CDC42BPA: variants seen among roughly 807,000 people sequenced by gnomAD.
The protein encoded by CDC42BPA is CDC42 binding protein kinase alpha.
CDC42BPA carries 80 observed loss-of-function variants against 223.5 expected under a neutral mutation model. That is an observed-to-expected ratio of 0.36 (90% CI 0.30 to 0.43). CDC42BPA has a LOEUF of 0.43. Ranked by LOEUF, CDC42BPA falls within the 20% of genes least tolerant of loss-of-function variation. The pLI, the probability that CDC42BPA is intolerant of heterozygous loss-of-function variation, is 1.00. For synonymous variants in CDC42BPA, 694 were observed against 718.6 expected (o/e 0.97, Z 0.55); for missense variants, 1,743 against 2,099.9 (o/e 0.83, Z 3.32).
intron 10 of CDC42BPA, among the ~76,000 whole-genome samples, chr1:227,135,407 A>G (rs543759051): frequency 6.6e-6 from 1 of 152,266 alleles, no homozygotes; most frequent in South Asian, 2.1e-4. Flanking sequence ...CTTCATCAAG[A>G]CACCAAATTT....
At chr1:227,087,036 C>T (rs577737917) in intron 16 of CDC42BPA, among the ~76,000 whole-genome samples, 94 of 151,998 alleles carry the variant, frequency 6.2e-4, no homozygotes, top group Admixed American at 1.8e-3. Context: ...GAAATATTTC[C>T]TCCCCATCTG....
chr1:227,149,589 A>T (rs1018136316), intron 6 of CDC42BPA, among the ~76,000 whole-genome samples: 1 of 152,210 alleles, frequency 6.6e-6, no homozygotes, highest in Non-Finnish European at 1.5e-5. Flanking sequence ...CAACAAACAC[A>T]AAAGTTTTTA....
At chr1:227,228,639 A>AAAGTGG (rs1677276345) in intron 2 of CDC42BPA, among the ~76,000 whole-genome samples, 2 of 151,558 alleles carry the variant, frequency 1.3e-5, no homozygotes, top group African/African-American at 4.8e-5. Flanking sequence ...ACTATTTTAC[A>AAAGTGG]TTCTACCAGC....
intron 10 of CDC42BPA, among the ~76,000 whole-genome samples, chr1:227,131,194 C>T (rs1462699598): frequency 2.6e-5 from 4 of 152,162 alleles, no homozygotes; most frequent in Non-Finnish European, 5.9e-5. Context: ...CATAAATCCC[C>T]TACGGCAGAT....
At chr1:227,238,987 T>C (rs921999348) in intron 2 of CDC42BPA, among the ~76,000 whole-genome samples, 3 of 152,224 alleles carry the variant, frequency 2.0e-5, no homozygotes, top group Non-Finnish European at 2.9e-5. Flanking sequence ...AGCTAACTGA[T>C]GTATAAAACA....
At chr1:227,124,231 T>C (rs1003931196) in intron 11 of CDC42BPA, among the ~76,000 whole-genome samples, 1 of 152,068 alleles carries the variant, frequency 6.6e-6, no homozygotes, top group African/African-American at 2.4e-5. Flanking sequence ...TCAATAATTA[T>C]AAAACTGTCG....
At chr1:227,118,406 A>C (rs1419552464) in intron 12 of CDC42BPA, among the ~76,000 whole-genome samples, 1 of 152,154 alleles carries the variant, frequency 6.6e-6, no homozygotes, top group African/African-American at 2.4e-5. Flanking sequence ...AAGGATAACA[A>C]GTGTTGGCAA....
At chr1:227,258,149 T>C (rs1366401975) in intron 1 of CDC42BPA, among the ~76,000 whole-genome samples, 1 of 130,798 alleles carries the variant, frequency 7.6e-6, no homozygotes, top group Non-Finnish European at 1.5e-5. Flanking sequence ...CACTCCAGCC[T>C]GGGCAACAGG....
chr1:227,218,285 G>A (rs992179876), intron 2 of CDC42BPA, among the ~76,000 whole-genome samples: 4 of 152,268 alleles, frequency 2.6e-5, no homozygotes, highest in African/African-American at 9.6e-5. Flanking sequence ...AACAGGCATC[G>A]AAGTCCTGAC....
intron 21 of CDC42BPA, among the ~76,000 whole-genome samples, chr1:227,057,024 T>G (rs1346702471): frequency 6.6e-6 from 1 of 152,182 alleles, no homozygotes; most frequent in African/African-American, 2.4e-5. Flanking sequence ...ATATACTGAT[T>G]GGAATATCTA....
At chr1:227,033,194 A>C (rs1391304427) in intron 27 of CDC42BPA, 140 bp downstream of exon 27, 2 of 543,936 alleles carry the variant, frequency 3.7e-6, no homozygotes, top group African/African-American at 3.8e-5. Context: ...CTATACCTTC[A>C]AGTACTGGAT....
intron 16 of CDC42BPA, among the ~76,000 whole-genome samples, chr1:227,083,441 C>G (rs59699847): frequency 6.6e-6 from 1 of 152,114 alleles, no homozygotes; most frequent in Non-Finnish European, 1.5e-5. Flanking sequence ...CATATGTCTA[C>G]TTTCTTGAAC....
Position 227,301,383 on chromosome 1 carries a change from C to T in CDC42BPA, c.178+15622G>A, listed in dbSNP as rs1298286995. 5.6e-5 allele frequency among the ~76,000 whole-genome samples: 8 copies of T among 143,790 alleles called. No homozygotes were observed. In the South Asian group the frequency reaches 1.5e-3, roughly 27 times the overall value. 94.3% of individuals were successfully genotyped at this position (143,790 alleles called of 152,430 possible). A position where few individuals can be genotyped will look rare whatever the true frequency, so the allele number is the denominator to read the frequency against. On this transcript the variant is annotated intron_variant, in intron 1 of 36. Coordinates refer to ENST00000366766, the MANE Select transcript of CDC42BPA (RefSeq NM_001394014.1). ...AGACATTTTTTTTTTTTTTTTGAGA[C>T]GAAGTCTCACTCTGTCGCCAAGCTA...
At chr1:227,210,908 G>A (rs1673759916) in intron 3 of CDC42BPA, among the ~76,000 whole-genome samples, 2 of 152,146 alleles carry the variant, frequency 1.3e-5, no homozygotes, top group South Asian at 4.1e-4. Flanking sequence ...GTGTATAAAG[G>A]TCTAGACATT....
Position 227,034,568 on chromosome 1 carries a change from A to T in CDC42BPA, c.3476+87T>A. On this transcript the variant is annotated intron_variant, in intron 26 of 36. Transcript: ENST00000366766. ...AATACGAAATTAGTTCATTTAAATA[A>T]ACCATGGCAACACAATTTTTGAAAA... 2.4e-6 allele frequency: 3 copies of T among 1,247,242 alleles called. No individual in the cohort carries two copies. The South Asian group carries it at 4.6e-5, about 19-fold the overall frequency. 77.3% of individuals were successfully genotyped at this position (1,247,242 alleles called of 1,614,324 possible).
Position 227,119,935 on chromosome 1 carries a change from A to T in CDC42BPA, c.1516T>A (p.Ser506Thr), listed in dbSNP as rs1688365269. The change falls in exon 12 of 37, where the codon TCA becomes ACA. Residue 506 changes from serine (S) to threonine (T), a missense_variant and splice_region_variant. By Grantham distance (58) the Ser-to-Thr change is moderately conservative. Coordinates refer to ENST00000366766, the MANE Select transcript of CDC42BPA (RefSeq NM_001394014.1). ...IEKLRKQVTE[S>T]SHLEQQLEEA... ...TCAAGTTGCTGTTCCAAATGACTTG[A>T]TTCTAAAAACAAAAGACAATGTTTC... 1 of 1,582,116 alleles carries T rather than the reference A, an allele frequency of 6.3e-7. No homozygotes were observed.
At chr1:227,112,632 C>T in intron 13 of CDC42BPA, 39 bp downstream of exon 13, 1 of 1,584,384 alleles carries the variant, frequency 6.3e-7, no homozygotes, top group Non-Finnish European at 8.6e-7. Context: ...GCTTTAATCA[C>T]TATCCCATGG....
At chr1:227,013,608 A>G (rs1358767519) in intron 34 of CDC42BPA, among the ~76,000 whole-genome samples, 1 of 152,114 alleles carries the variant, frequency 6.6e-6, no homozygotes, top group Non-Finnish European at 1.5e-5. Flanking sequence ...ACATTCTGTT[A>G]AACACTGTAG....
chr1:227,156,569 G>C (rs763057673), intron 6 of CDC42BPA, among the ~76,000 whole-genome samples: 5 of 152,004 alleles, frequency 3.3e-5, no homozygotes, highest in South Asian at 4.2e-4. Flanking sequence ...AAGTATGCTA[G>C]AAACAAAACA....
Sources: allele counts gnomAD v4.1 joint callset (sites outside exome capture counted in the v4.1 genomes callset), GRCh38; gene constraint gnomAD v4.1.1; transcripts MANE v1.5; gene names NCBI Gene and HGNC (gene_info 2026-07-23, HGNC 2026-07-21).